Variants in USP13 observed in about 807,000 individuals in gnomAD.
USP13 encodes ubiquitin specific peptidase 13.
In USP13, 68 loss-of-function variants were observed where a neutral mutation model predicts 107.8. The ratio of observed to expected loss-of-function variants is 0.63; its 90% CI spans 0.52 to 0.77. The LOEUF (loss-of-function observed/expected upper bound fraction) is 0.77. Among genes scored for constraint, USP13 ranks in the 30% least tolerant of loss-of-function variants. USP13 has a pLI of 0.00. For synonymous variants in USP13, 377 were observed against 389.5 expected (o/e 0.97, Z 0.38); for missense variants, 945 against 1,093.3 (o/e 0.86, Z 1.91).
At chr3:179,677,116 C>CTT (rs1711507468) in intron 1 of USP13, among the ~76,000 whole-genome samples, 1 of 151,780 alleles carries the variant, frequency 6.6e-6, no homozygotes, top group Non-Finnish European at 1.5e-5. Flanking sequence ...CCTCGGCCTC[C>CTT]CAAAGTGCTG....
In USP13 at chr3:179,721,488, A is replaced by G. The variant is rs759812884; in HGVS notation, c.987A>G (p.Pro329=). ...AGGAGTCGGGCACGAAACTGAAGCC[A>G]ATGTATGGTCCTGGCTACACGGGTC... The part of the protein sequence containing the change: ...VIQESGTKLK[P]MYGPGYTGLK... The change falls in exon 8 of 21, where the codon CCA becomes CCG. Residue 329 remains proline (P), a synonymous_variant. Transcript: ENST00000263966. The surrounding 1 kb of genome is among the most constrained non-coding windows in gnomAD (Gnocchi z 4.3). The G allele has an allele frequency of 1.2e-6, 2 of 1,614,178 alleles. No homozygotes were observed. Among genetic ancestry groups the G allele is most frequent in the Non-Finnish European group, 8.5e-7 (1 of 1,180,044 alleles).
intron 10 of USP13, among the ~76,000 whole-genome samples, chr3:179,735,104 C>T (rs115453808): frequency 0.028 from 4,326 of 152,246 alleles, 95 homozygotes; most frequent in South Asian, 0.05. Context: ...TGACAGATTC[C>T]TTAGTTGGAT....
At chr3:179,677,862 C>T in intron 1 of USP13, among the ~76,000 whole-genome samples, 1 of 152,102 alleles carries the variant, frequency 6.6e-6, no homozygotes, top group East Asian at 1.9e-4. Context: ...ACTTATTCTT[C>T]CTCCTGCTTG....
At chr3:179,776,385 C>T (rs368998384) in intron 19 of USP13, among the ~76,000 whole-genome samples, 5 of 152,152 alleles carry the variant, frequency 3.3e-5, no homozygotes, top group Non-Finnish European at 7.4e-5. Context: ...TGCTGCCCAC[C>T]TCTTTTACCT....
intron 1 of USP13, among the ~76,000 whole-genome samples, chr3:179,673,339 A>G (rs188678367): frequency 6.6e-6 from 1 of 152,262 alleles, no homozygotes; most frequent in East Asian, 1.9e-4. Flanking sequence ...AGTTTGTTCA[A>G]TCCTGCCCTG....
chr3:179,657,169 T>G (rs1036716383), intron 1 of USP13, among the ~76,000 whole-genome samples: 1 of 152,182 alleles, frequency 6.6e-6, no homozygotes, highest in Non-Finnish European at 1.5e-5. Context: ...ATTAAATAAA[T>G]TAATACATAA....
At position 179,751,935 on chromosome 3, in the gene USP13, G is replaced by A. The variant is rs928148763; in HGVS notation, c.1710-350G>A. Among the ~76,000 whole-genome samples, 3 of 152,080 alleles carry A rather than the reference G, an allele frequency of 2.0e-5. No homozygotes were observed. In the East Asian group the frequency reaches 5.8e-4, roughly 29 times the overall value. The stretch of plus-strand genomic sequence containing the variant: ...TTTTTGTATTTTTAGTAGAGACGGG[G>A]TTTCACCATGTTGGCCAGGCTGGTC... On this transcript the variant is annotated intron_variant, in intron 13 of 20. Transcript: ENST00000263966.
At chr3:179,745,278 G>T in intron 13 of USP13, 61 bp downstream of exon 13, 2 of 1,519,144 alleles carry the variant, frequency 1.3e-6, no homozygotes, top group South Asian at 1.2e-5. Flanking sequence ...GTGGGGACAG[G>T]GGTAAGGGAA....
At chr3:179,738,487 T>G (rs899637670) in intron 10 of USP13, among the ~76,000 whole-genome samples, 3 of 152,222 alleles carry the variant, frequency 2.0e-5, no homozygotes, top group Admixed American at 2.0e-4. Context: ...TATCTGGCAC[T>G]TCTCTGCCAG....
At chr3:179,755,559 A>G (rs112051664) in intron 15 of USP13, among the ~76,000 whole-genome samples, 8,536 of 152,240 alleles carry the variant, frequency 0.056, 273 homozygotes, top group Middle Eastern at 0.11. Context: ...CAGCCTCCCA[A>G]AGTGTTGGGA....
At chr3:179,772,614 C>A (rs1482822175) in intron 19 of USP13, among the ~76,000 whole-genome samples, 5 of 152,366 alleles carry the variant, frequency 3.3e-5, no homozygotes, top group African/African-American at 1.2e-4. Flanking sequence ...ATAGACACTT[C>A]ATGCCACTGG....
intron 3 of USP13, among the ~76,000 whole-genome samples, chr3:179,691,167 TAAA>T (rs57267808): frequency 4.8e-4 from 67 of 139,978 alleles, no homozygotes; most frequent in Admixed American, 8.6e-4. Flanking sequence ...ATCCTGTCTT[TAAA>T]AAAAAAAAAA....
At chr3:179,756,556 C>G (rs891332695) in intron 15 of USP13, among the ~76,000 whole-genome samples, 1 of 152,156 alleles carries the variant, frequency 6.6e-6, no homozygotes, top group African/African-American at 2.4e-5. Context: ...CCAACCTGGT[C>G]AGCATAGTGA....
chr3:179,701,867 A>G (rs1270601657), intron 4 of USP13, among the ~76,000 whole-genome samples: 1 of 152,162 alleles, frequency 6.6e-6, no homozygotes, highest in Non-Finnish European at 1.5e-5. Context: ...GAGGGAAGCC[A>G]GGTTTTGTTT....
intron 10 of USP13, among the ~76,000 whole-genome samples, chr3:179,731,825 T>C (rs1381555120): frequency 1.3e-5 from 2 of 152,186 alleles, no homozygotes; most frequent in Non-Finnish European, 2.9e-5. Flanking sequence ...CTTCCTAGTA[T>C]CCTGTCTTGA....
At chr3:179,671,726 A>T (rs115873971) in intron 1 of USP13, among the ~76,000 whole-genome samples, 3,943 of 152,120 alleles carry the variant, frequency 0.026, 161 homozygotes, top group African/African-American at 0.091. Flanking sequence ...CAAGCAGCTC[A>T]TTTGGTTAAT....
intron 17 of USP13, 32 bp from the exon 18 acceptor site, chr3:179,763,967 AAAG>A: frequency 2.6e-6 from 4 of 1,551,244 alleles, no homozygotes; most frequent in African/African-American, 1.4e-5. Context: ...AAAAAAAAAA[AAAG>A]GAAAAGACTT....
At chr3:179,749,467 G>A (rs1049453689) in intron 13 of USP13, among the ~76,000 whole-genome samples, 3 of 152,022 alleles carry the variant, frequency 2.0e-5, no homozygotes, top group African/African-American at 7.2e-5. Flanking sequence ...AAAAGAATAA[G>A]CTGAGCATAA....
chr3:179,728,140 G>T (rs1476398315), intron 8 of USP13, among the ~76,000 whole-genome samples: 2 of 131,832 alleles, frequency 1.5e-5, no homozygotes, highest in Non-Finnish European at 1.7e-5. Flanking sequence ...CTTCCCAGTA[G>T]GGGCGGCCGG....
Sources: allele counts gnomAD v4.1 joint callset (sites outside exome capture counted in the v4.1 genomes callset), GRCh38; gene constraint gnomAD v4.1.1; non-coding constraint Gnocchi (gnomAD v3.1); transcripts MANE v1.5; gene names NCBI Gene and HGNC (gene_info 2026-07-23, HGNC 2026-07-21).